KDM2B: variants seen among roughly 807,000 people sequenced by gnomAD.
KDM2B encodes the protein lysine-specific demethylase 2B.
In KDM2B, 26 loss-of-function variants were observed where a neutral mutation model predicts 150.0. The ratio of observed to expected loss-of-function variants is 0.17; its 90% CI spans 0.13 to 0.24. The LOEUF is 0.24. Among genes scored for constraint, KDM2B ranks in the 10% least tolerant of loss-of-function variants. The pLI, the probability that KDM2B is intolerant of heterozygous loss-of-function variation, is 1.00. For missense variants in KDM2B, 1,265 were observed against 1,816.9 expected, an observed-to-expected ratio of 0.70 and a Z score of 5.52; for synonymous variants, 734 against 729.5, an observed-to-expected ratio of 1.01 and a Z score of -0.10.
intron 12 of KDM2B, among the ~76,000 whole-genome samples, chr12:121,463,285 C>G (rs1879362995): frequency 6.6e-6 from 1 of 151,568 alleles, no homozygotes; most frequent in Non-Finnish European, 1.5e-5. Context: ...CACTGCACTC[C>G]AGCCTGGACA....
At chr12:121,476,602 A>C (rs781979647) in intron 12 of KDM2B, among the ~76,000 whole-genome samples, 1 of 152,186 alleles carries the variant, frequency 6.6e-6, no homozygotes, top group Non-Finnish European at 1.5e-5. Context: ...ATGTGTTAAA[A>C]CTAACTGAAA....
rs1886626460 is a variant in KDM2B, at chr12:121,520,900, T to G, written c.1047+85A>C. 1.1e-6 allele frequency: 1 copy of G among 922,452 alleles called. No individual in the cohort carries two copies. Among genetic ancestry groups the G allele is most frequent in the Non-Finnish European group, 1.7e-6 (1 of 591,366 alleles). The allele number at this position is 922,452 out of a possible 1,614,324, so 57.1% of individuals were successfully genotyped here. A position where few individuals can be genotyped will look rare whatever the true frequency, so the allele number is the denominator to read the frequency against. On this transcript the variant is annotated intron_variant, in intron 9 of 22. Transcript: ENST00000377071. The surrounding 1 kb of genome is among the most constrained non-coding windows in gnomAD (Gnocchi z 4.5). ...GAGGGAGAGGGGAACTGTGGAGGAC[T>G]TCAGTATGACCTGTCCCACACACCG... is the stretch of plus-strand genomic sequence containing the variant.
At chr12:121,558,449 CTTTT>C (rs1221667010) in intron 4 of KDM2B, among the ~76,000 whole-genome samples, 1 of 123,784 alleles carries the variant, frequency 8.1e-6, no homozygotes. Context: ...GTTTCCTTTT[CTTTT>C]TCTTTTTTTT....
intron 12 of KDM2B, among the ~76,000 whole-genome samples, chr12:121,485,963 G>C (rs1882708058): frequency 6.6e-6 from 1 of 151,594 alleles, no homozygotes; most frequent in African/African-American, 2.4e-5. Context: ...TTTTAGTACA[G>C]ACAGGGTTTC....
the KDM2B span, among the ~76,000 whole-genome samples, chr12:121,413,251 T>C: frequency 6.6e-6 from 1 of 152,016 alleles, no homozygotes; most frequent in Non-Finnish European, 1.5e-5. Flanking sequence ...GTTCTTGAAC[T>C]CCTGACCTCA....
intron 6 of KDM2B, among the ~76,000 whole-genome samples, chr12:121,548,618 T>C (rs1026796117): frequency 2.0e-5 from 3 of 152,118 alleles, no homozygotes; most frequent in Non-Finnish European, 2.9e-5. Flanking sequence ...CTGCCATCAC[T>C]CCTCCTCAGA....
chr12:121,527,415 C>T (rs1370809046), intron 8 of KDM2B, among the ~76,000 whole-genome samples: 1 of 143,122 alleles, frequency 7.0e-6, no homozygotes, highest in Non-Finnish European at 1.5e-5. Context: ...AATCCCAGCA[C>T]TTTGGGAGGC....
chr12:121,457,404 G>C (rs1878433738), intron 12 of KDM2B, among the ~76,000 whole-genome samples: 1 of 152,058 alleles, frequency 6.6e-6, no homozygotes, highest in South Asian at 2.1e-4. Flanking sequence ...TGGAATTACA[G>C]GTGTGCGCCA....
intron 4 of KDM2B, among the ~76,000 whole-genome samples, chr12:121,562,847 T>C (rs868925681): frequency 6.6e-6 from 1 of 152,296 alleles, no homozygotes; most frequent in African/African-American, 2.4e-5. Context: ...CTAATTCATA[T>C]GACTACTGAG....
chr12:121,571,371 C>T (rs1007548118), intron 4 of KDM2B, among the ~76,000 whole-genome samples: 1 of 152,188 alleles, frequency 6.6e-6, no homozygotes, highest in Non-Finnish European at 1.5e-5. Flanking sequence ...TCACTGCAAC[C>T]TCTGCCTCCC....
downstream of KDM2B, among the ~76,000 whole-genome samples, chr12:121,424,793 G>A (rs191315620): frequency 2.6e-4 from 39 of 152,234 alleles, no homozygotes; most frequent in Admixed American, 8.5e-4. Flanking sequence ...TTATCAGTAA[G>A]GTTAACTGCT....
At chr12:121,512,867 G>A (rs900885943) in intron 10 of KDM2B, among the ~76,000 whole-genome samples, 3 of 152,222 alleles carry the variant, frequency 2.0e-5, no homozygotes, top group Non-Finnish European at 1.5e-5. Context: ...TCAGAGACTG[G>A]CTGCATCTCA....
intron 9 of KDM2B, among the ~76,000 whole-genome samples, chr12:121,515,361 C>A (rs1594018608): frequency 5.0e-4 from 1 of 1,984 alleles, no homozygotes; most frequent in Admixed American, 6.6e-3. Context: ...TCCCCCTAAT[C>A]ACACTCCCCA....
chr12:121,530,064 TA>T, intron 8 of KDM2B, among the ~76,000 whole-genome samples: 2 of 149,278 alleles, frequency 1.3e-5, no homozygotes, highest in East Asian at 4.0e-4. Context: ...GTGTCTCTAC[TA>T]AAAACACAAA....
intron 6 of KDM2B, among the ~76,000 whole-genome samples, chr12:121,538,059 G>A (rs1395874823): frequency 1.3e-5 from 2 of 151,456 alleles, no homozygotes; most frequent in African/African-American, 4.8e-5. Flanking sequence ...CCCCGGCCGA[G>A]GACGCGGGGC....
chr12:121,474,419 G>T (rs1881118748), intron 12 of KDM2B, among the ~76,000 whole-genome samples: 1 of 152,080 alleles, frequency 6.6e-6, no homozygotes, highest in Admixed American at 6.6e-5. Context: ...AGGAGGCTGA[G>T]GCACGAGAAT....
chr12:121,442,661 G>T lies in KDM2B; in HGVS notation c.2780C>A (p.Pro927Gln). Residue 927 changes from proline (P) to glutamine (Q), a missense_variant, in exon 19 of 23, where the codon CCG becomes CAG. Physicochemically the swap from Pro to Gln is moderately conservative, Grantham distance 76 (BLOSUM62 -1). Coordinates refer to ENST00000377071, the MANE Select transcript of KDM2B (RefSeq NM_032590.5). The surrounding 1 kb of genome is among the most constrained non-coding windows in gnomAD (Gnocchi z 7.7). ...CATCTTCACCTTCTTCTTCTCCTCC[G>T]GGCCCTCGGCCCCTTCGGTGCTGGG... ...AGPSTEGAEG[P>Q]EEKKKVKMRR... 3 of 1,605,584 alleles carry T rather than the reference G, an allele frequency of 1.9e-6. No homozygotes were observed. Among genetic ancestry groups the T allele is most frequent in the Non-Finnish European group, 2.5e-6 (3 of 1,177,820 alleles).
intron 8 of KDM2B, among the ~76,000 whole-genome samples, chr12:121,530,193 A>T (rs1460897686): frequency 7.0e-6 from 1 of 142,120 alleles, no homozygotes; most frequent in African/African-American, 2.7e-5. Flanking sequence ...GCGCCACTGC[A>T]CTCCAGCCTG....
At chr12:121,462,347 C>G (rs139447734) in intron 12 of KDM2B, among the ~76,000 whole-genome samples, 1 of 152,252 alleles carries the variant, frequency 6.6e-6, no homozygotes, top group Admixed American at 6.5e-5. Context: ...AACACAAGAA[C>G]TACCAGAAAG....
Sources: allele counts gnomAD v4.1 joint callset (sites outside exome capture counted in the v4.1 genomes callset), GRCh38; gene constraint gnomAD v4.1.1; non-coding constraint Gnocchi (gnomAD v3.1); transcripts MANE v1.5; gene names NCBI Gene and HGNC (gene_info 2026-07-23, HGNC 2026-07-21).